CD1A: variants seen among roughly 807,000 people sequenced by gnomAD.
CD1A encodes T-cell surface glycoprotein CD1a.
In CD1A, 50 loss-of-function variants were observed where a neutral mutation model predicts 38.3. The ratio of observed to expected loss-of-function variants is 1.30; its 90% confidence interval spans 1.04 to 1.65. The LOEUF (loss-of-function observed/expected upper bound fraction) is 1.65, where lower values mean the gene tolerates loss of function less well. CD1A is among the 40% of genes most tolerant of loss of function. The pLI, the probability that CD1A is intolerant of heterozygous loss-of-function variation, is 0.00. For missense variants in CD1A, 459 were observed against 406.1 expected (o/e 1.13, Z -1.12); for synonymous variants, 160 against 150.8 (o/e 1.06, Z -0.45).
upstream of CD1A, among the ~76,000 whole-genome samples, chr1:158,250,674 A>G (rs574442780): frequency 3.9e-5 from 6 of 152,068 alleles, no homozygotes; most frequent in Non-Finnish European, 7.4e-5. Flanking sequence ...CTCTCTTCCT[A>G]TCTCTCTCAC....
intron 4 of CD1A, 72 bp downstream of exon 4, chr1:158,257,136 A>C (rs1650286437): frequency 1.3e-6 from 2 of 1,519,266 alleles, no homozygotes; most frequent in Non-Finnish European, 1.8e-6. Flanking sequence ...GGGCAAGCTG[A>C]AAATTTTAGG....
At chr1:158,249,119 AT>A in the CD1A span, among the ~76,000 whole-genome samples, 1 of 152,104 alleles carries the variant, frequency 6.6e-6, no homozygotes, top group Admixed American at 6.6e-5. Flanking sequence ...CAATTAGTTA[AT>A]TCTCTTTCTT....
chr1:158,255,541 C>A (rs1026235226), intron 2 of CD1A, among the ~76,000 whole-genome samples, 191 bp downstream of exon 2: 2 of 152,188 alleles, frequency 1.3e-5, no homozygotes, highest in Non-Finnish European at 2.9e-5. Flanking sequence ...ACTTCTGCTA[C>A]TTATGAACTC....
chr1:158,250,648 C>T (rs1009770200), upstream of CD1A, among the ~76,000 whole-genome samples: 35 of 152,218 alleles, frequency 2.3e-4, no homozygotes, highest in African/African-American at 8.0e-4. Context: ...TGTGCCTGAT[C>T]AGACCAATGT....
In CD1A at chr1:158,257,967, C is replaced by G. The variant is rs1650318951; in HGVS notation, c.*277C>G. 6.7e-6 allele frequency: 3 copies of G among 444,752 alleles called. No homozygotes were observed. The highest frequency in any genetic ancestry group is 1.2e-5 in the Non-Finnish European group (3 of 247,314). 27.6% of individuals were successfully genotyped at this position (444,752 alleles called of 1,614,324 possible). A position where few individuals can be genotyped will look rare whatever the true frequency, so the allele number is the denominator to read the frequency against. ...GGGGTCCTAGCAACCTCCACATGTT[C>G]AACTATTAATGGATCATCAGGCCTG... On this transcript the variant is annotated 3_prime_UTR_variant, in exon 6 of 6. Coordinates refer to ENST00000289429, the MANE Select transcript of CD1A (RefSeq NM_001763.3).
chr1:158,256,910 G>T lies in CD1A; in HGVS notation c.729G>T (p.Glu243Asp), dbSNP rs778421503. 1.2e-6 allele frequency: 2 copies of T among 1,614,218 alleles called. No homozygotes were observed. Among genetic ancestry groups the T allele is most frequent in the Non-Finnish European group, 8.5e-7 (1 of 1,180,040 alleles). ...TGATGTGGATGCGGGGTGAGCAGGA[G>T]CAGCAGGGCACTCAGCGAGGGGACA... ...VWVMWMRGEQ[E>D]QQGTQRGDIL... is the part of the protein sequence containing the mutation. The change falls in exon 4 of 6, where the codon GAG becomes GAT. Residue 243 changes from glutamate (E) to aspartate (D), a missense_variant. Coordinates refer to ENST00000289429, the MANE Select transcript of CD1A (RefSeq NM_001763.3).
upstream of CD1A, among the ~76,000 whole-genome samples, chr1:158,251,728 G>T (rs1211353299): frequency 1.3e-5 from 2 of 152,090 alleles, no homozygotes; most frequent in Non-Finnish European, 2.9e-5. Context: ...AGCAGTTTGG[G>T]ACCTCTAATA....
chr1:158,255,362 T>C lies in CD1A; in HGVS notation c.325+12T>C. ...ATTGCAGTTTGAATGTGAGTTCAGT[T>C]TTCTCCATGGAGAGTGGTGAGGTGG... On this transcript the variant is annotated intron_variant, in intron 2 of 5. Transcript: ENST00000289429. 6.2e-7 allele frequency: 1 copy of C among 1,612,406 alleles called. No individual in the cohort carries two copies.
rs774766827 is a variant in CD1A at position 158,256,078 on chromosome 1, G to A, written c.400G>A (p.Ala134Thr). The A allele has an allele frequency of 1.9e-6, 3 of 1,614,042 alleles. No individual in the cohort carries two copies. Among genetic ancestry groups the A allele is most frequent in the South Asian group, 2.2e-5 (2 of 91,090 alleles). ...GKVSGSFLQL[A>T]YQGSDFVSFQ... is the part of the protein sequence containing the mutation. The stretch of plus-strand genomic sequence containing the variant: ...GGTCTCAGGAAGCTTCTTGCAGTTA[G>A]CTTATCAAGGATCAGACTTTGTGAG... The change falls in exon 3 of 6, where the codon GCT becomes ACT. Residue 134 changes from alanine (A) to threonine (T), a missense_variant. Ala to Thr is a moderately conservative substitution (Grantham distance 58, BLOSUM62 0). Transcript: ENST00000289429.
upstream of CD1A, among the ~76,000 whole-genome samples, chr1:158,252,601 C>T (rs896466432): frequency 6.6e-6 from 1 of 152,126 alleles, no homozygotes; most frequent in Non-Finnish European, 1.5e-5. Flanking sequence ...GAAAATGAAG[C>T]TCTTTCCAGC....
intron 2 of CD1A, 51 bp from the exon 3 acceptor site, chr1:158,255,953 C>T (rs564719076): frequency 3.1e-5 from 48 of 1,529,424 alleles, no homozygotes; most frequent in Non-Finnish European, 3.9e-5. Flanking sequence ...TGCTTCTACT[C>T]ATTTCATTTT....
chr1:158,255,090 A>T lies in CD1A; in HGVS notation c.65A>T (p.Lys22Met). The T allele has an allele frequency of 6.2e-7, 1 of 1,613,900 alleles. No individual in the cohort carries two copies. The highest frequency in any genetic ancestry group is 1.3e-5 in the African/African-American group (1 of 74,984). Residue 22 changes from lysine (K) to methionine (M), a missense_variant, in exon 2 of 6, where the codon AAG (lysine) becomes ATG (methionine). Lys to Met is a moderately conservative substitution (Grantham distance 95). Transcript: ENST00000289429. ...ATCTGTTCTTTTGTCGCAGGGCTCA[A>T]GGAGCCTCTCTCCTTCCATGTCACC... ...LPGDGNADGL[K>M]EPLSFHVTWI...
rs145405003 is a variant in CD1A, at chr1:158,256,205, A to G, written c.527A>G (p.His176Arg). Residue 176 changes from histidine (H) to arginine (R), a missense_variant, in exon 3 of 6, where the codon CAC becomes CGC. Coordinates refer to ENST00000289429, the MANE Select transcript of CD1A (RefSeq NM_001763.3). ...AATCAGCATGAAAATGACATAACAC[A>G]CAATCTTCTCAGTGACACCTGCCCA... ...NQNQHENDIT[H>R]NLLSDTCPRF... 1.1e-5 allele frequency: 17 copies of G among 1,614,006 alleles called. No individual in the cohort carries two copies. The highest frequency in any genetic ancestry group is 1.1e-5 in the Non-Finnish European group (13 of 1,180,006).
upstream of CD1A, among the ~76,000 whole-genome samples, chr1:158,253,114 C>T (rs1268648492): frequency 6.6e-6 from 1 of 151,914 alleles, no homozygotes; most frequent in Non-Finnish European, 1.5e-5. Context: ...AAAATTTTTT[C>T]CCCCTAAATT....
upstream of CD1A, among the ~76,000 whole-genome samples, chr1:158,251,911 C>T (rs1026933947): frequency 6.6e-6 from 1 of 151,810 alleles, no homozygotes; most frequent in African/African-American, 2.4e-5. Context: ...GGCTGGAGTG[C>T]AGTGGCGCGA....
chr1:158,257,993 T>C lies in CD1A; in HGVS notation c.*303T>C. On this transcript the variant is annotated 3_prime_UTR_variant, in exon 6 of 6. Transcript: ENST00000289429. Reference sequence around the variant, plus strand: ...AACTATTAATGGATCATCAGGCCTGTTTTAGATATCCCTTACTCCAGAGGG... The same window carrying C: ...AACTATTAATGGATCATCAGGCCTGCTTTAGATATCCCTTACTCCAGAGGG... 2.9e-6 allele frequency: 1 copy of C among 350,728 alleles called. No individual in the cohort carries two copies. The highest frequency in any genetic ancestry group is 5.2e-6 in the Non-Finnish European group (1 of 191,362). The allele number at this position is 350,728 out of a possible 1,614,324, so 21.7% of individuals were successfully genotyped here.
upstream of CD1A, among the ~76,000 whole-genome samples, chr1:158,251,230 C>T (rs1451936094): frequency 6.6e-6 from 1 of 152,162 alleles, no homozygotes; most frequent in Non-Finnish European, 1.5e-5. Context: ...TCTTCATGTA[C>T]AGTAGGCAGA....
At position 158,255,314 on chromosome 1, in the gene CD1A, G is replaced by A; in HGVS notation, c.289G>A (p.Gly97Arg). ...TATACGCACCATTCGGTCATTTGAG[G>A]GAATTCGTAGATACGCCCATGAATT... ...FRIRTIRSFE[G>R]IRRYAHELQF... The change falls in exon 2 of 6, where the codon GGA (glycine) becomes AGA (arginine). Residue 97 changes from glycine to arginine, a missense_variant. By Grantham distance (125) the Gly-to-Arg change is moderately radical. Coordinates refer to ENST00000289429, the MANE Select transcript of CD1A (RefSeq NM_001763.3). The A allele has an allele frequency of 6.2e-7, 1 of 1,614,108 alleles. No homozygotes were observed. Among genetic ancestry groups the A allele is most frequent in the Non-Finnish European group, 8.5e-7 (1 of 1,179,998 alleles).
chr1:158,248,547 A>T, the CD1A span: 2 of 316,274 alleles, frequency 6.3e-6, no homozygotes, highest in African/African-American at 4.5e-5. Context: ...CACCTGTCTG[A>T]TTGAGTTCTA....
Sources: gnomAD v4.1 joint callset for allele counts (sites outside exome capture counted in the v4.1 genomes callset) on GRCh38, gnomAD v4.1.1 for gene constraint, MANE v1.5 for transcripts, NCBI Gene and HGNC (gene_info 2026-07-23, HGNC 2026-07-21) for gene names.